Variants in LTBP3 observed in about 807,000 individuals in gnomAD.
LTBP3 encodes latent-transforming growth factor beta-binding protein 3.
A neutral mutation model predicts 159.7 loss-of-function variants in LTBP3; 97 were observed. That is an observed-to-expected ratio of 0.61 (90% CI 0.52 to 0.72). The LOEUF is 0.72. Among genes scored for constraint, LTBP3 ranks in the 30% least tolerant of loss-of-function variants. The pLI is 0.00. For missense variants in LTBP3, 1,584 were observed against 1,864.3 expected, an observed-to-expected ratio of 0.85 and a Z score of 2.77; for synonymous variants, 824 against 777.1, an observed-to-expected ratio of 1.06 and a Z score of -1.00.
chr11:65,553,050 C>T lies in LTBP3; in HGVS notation c.1064-68G>A. On this transcript the variant is annotated intron_variant, in intron 5 of 27. Transcript: ENST00000301873. The surrounding 1 kb of genome is among the most constrained non-coding windows in gnomAD (Gnocchi z 6.5). ...GGGTGACAGCAGGCTGCTCCAAGAACCTCAGGGTCTTGCCCCAGCCCCACC... is the reference window on the plus strand; with the variant it reads ...GGGTGACAGCAGGCTGCTCCAAGAATCTCAGGGTCTTGCCCCAGCCCCACC... 1 of 1,612,506 alleles carries T rather than the reference C, an allele frequency of 6.2e-7. No individual in the cohort carries two copies. Among genetic ancestry groups the T allele is most frequent in the Middle Eastern group, 1.7e-4 (1 of 5,970 alleles).
At position 65,551,127 on chromosome 11, in the gene LTBP3, T is replaced by G; in HGVS notation, c.1719A>C (p.Thr573=). ...SAVEIAPTQV[T]ETDECRLNQN... ...GTGGCTTTGCTGGGCGGGCCTTACC[T>G]GTGACCTGAGTGGGAGCGATCTCTA... The change falls in exon 11 of 28, where the codon ACA becomes ACC. Residue 573 remains threonine, a splice_region_variant and synonymous_variant. Coordinates refer to ENST00000301873, the MANE Select transcript of LTBP3 (RefSeq NM_001130144.3). 2 of 1,552,678 alleles carry G rather than the reference T, an allele frequency of 1.3e-6. No individual in the cohort carries two copies. The highest frequency in any genetic ancestry group is 1.7e-6 in the Non-Finnish European group (2 of 1,148,246).
chr11:65,540,168 G>A lies in LTBP3; in HGVS notation c.3245-15C>T, dbSNP rs911020870. ...CTCGTCCACGTCTACGAACAGCGAG[G>A]GGGTGGGTGGGGGCCGTCACAGCTC... is the stretch of plus-strand genomic sequence containing the variant. On this transcript the variant is annotated splice_polypyrimidine_tract_variant and intron_variant, in intron 23 of 27. Transcript: ENST00000301873. 5.9e-6 allele frequency: 9 copies of A among 1,536,144 alleles called. No individual in the cohort carries two copies. The highest frequency in any genetic ancestry group is 7.9e-6 in the Non-Finnish European group (9 of 1,143,352).
rs757002234 is a variant in LTBP3 at position 65,553,818 on chromosome 11, G to A, written c.747C>T (p.Asn249=). 1.3e-6 allele frequency: 2 copies of A among 1,562,358 alleles called. No homozygotes were observed. The highest frequency in any genetic ancestry group is 4.7e-5 in the East Asian group (2 of 42,970). ...GCTGGGAGGGGGCTGCGCTCTCGGC[G>A]TTCGAGCTCTCAATGCGGTGCACCT... is the stretch of plus-strand genomic sequence containing the variant. ...SVQVHRIESS[N]AESAAPSQHL... Residue 249 remains asparagine, a synonymous_variant, in exon 3 of 28, where the codon AAC becomes AAT. Transcript: ENST00000301873. This position sits in a 1 kb window ranked among gnomAD's most constrained non-coding sequence, Gnocchi z 6.5.
chr11:65,557,394 T>G (rs1194684189), intron 1 of LTBP3, among the ~76,000 whole-genome samples: 1 of 151,894 alleles, frequency 6.6e-6, no homozygotes, highest in Non-Finnish European at 1.5e-5. Flanking sequence ...TCCCCACCCC[T>G]TAGGCCCCAA....
In LTBP3 at chr11:65,554,354, C is replaced by T. The variant is rs767529179; in HGVS notation, c.358G>A (p.Gly120Ser). The change falls in exon 2 of 28, where the codon GGC (glycine) becomes AGC (serine). Residue 120 changes from glycine to serine, a missense_variant. Physicochemically the swap from Gly to Ser is moderately conservative, Grantham distance 56 (BLOSUM62 0). Transcript: ENST00000301873. This position sits in a 1 kb window ranked among gnomAD's most constrained non-coding sequence, Gnocchi z 5.3. ...VVVCPLPCMNGGQCSSRNQCL... is the reference protein window; with the variant it reads ...VVVCPLPCMNSGQCSSRNQCL... ...TGGTTTCGCGAGGAGCACTGGCCGCCATTCATGCAGGGGAGAGGGCACACC... is the reference window on the plus strand; with the variant it reads ...TGGTTTCGCGAGGAGCACTGGCCGCTATTCATGCAGGGGAGAGGGCACACC... 1.2e-6 allele frequency: 2 copies of T among 1,612,260 alleles called. No homozygotes were observed. The highest frequency in any genetic ancestry group is 1.7e-6 in the Non-Finnish European group (2 of 1,179,732).
rs774978297 is a variant in LTBP3 at position 65,551,965 on chromosome 11, G to A, written c.1531+7C>T. On this transcript the variant is annotated splice_region_variant and intron_variant, in intron 8 of 27. Coordinates refer to ENST00000301873, the MANE Select transcript of LTBP3 (RefSeq NM_001130144.3). ...TGGGTCAGGGATCAGAAGGGGTCAG[G>A]CTAGACCTCTCTCTTCCTCTGTGTC... The A allele has an allele frequency of 1.9e-6, 3 of 1,613,802 alleles. No individual in the cohort carries two copies. The South Asian group carries it at 3.3e-5, about 18-fold the overall frequency.
chr11:65,553,878 A>G lies in LTBP3; in HGVS notation c.687T>C (p.Asn229=). The change falls in exon 3 of 28, where the codon AAT becomes AAC. Residue 229 remains asparagine, a synonymous_variant. Transcript: ENST00000301873. The surrounding 1 kb of genome is among the most constrained non-coding windows in gnomAD (Gnocchi z 6.5). ...AEVQAPPPVV[N]VRVHHPPEAS... ...CCTCGGGCGGGTGATGGACGCGCAC[A>G]TTCACCACGGGGGGCGGGGCCTGCA... 6.4e-7 allele frequency: 1 copy of G among 1,552,440 alleles called. No individual in the cohort carries two copies. Among genetic ancestry groups the G allele is most frequent in the Middle Eastern group, 1.7e-4 (1 of 5,840 alleles).
At chr11:65,540,808 G>T in intron 21 of LTBP3, 63 bp downstream of exon 21, 10 of 1,540,114 alleles carry the variant, frequency 6.5e-6, no homozygotes, top group Non-Finnish European at 8.8e-6. Context: ...GTCCCGGCGG[G>T]ATCCGGGCGA....
intron 1 of LTBP3, 122 bp downstream of exon 1, chr11:65,557,507 C>T: frequency 2.9e-6 from 4 of 1,369,668 alleles, no homozygotes; most frequent in Non-Finnish European, 3.0e-6. Flanking sequence ...GTCCCCCAGG[C>T]CCTCGGATCT....
In LTBP3 at chr11:65,554,112, C is replaced by A. The variant is rs749053331; in HGVS notation, c.600G>T (p.Gly200=). The change falls in exon 2 of 28, where the codon GGG becomes GGT. Residue 200 remains glycine, a synonymous_variant. Transcript: ENST00000301873. This position sits in a 1 kb window ranked among gnomAD's most constrained non-coding sequence, Gnocchi z 5.3. ...GGAAGGCTGCGTGCTGGGCAGGAGG[C>A]CCCTCCCCGGGCCCAGGAGGGTCAG... is the stretch of plus-strand genomic sequence containing the variant. ...VIADPPGPGE[G]PPAQHAAFLV... The A allele has an allele frequency of 7.5e-6, 12 of 1,610,412 alleles. No homozygotes were observed. The highest frequency in any genetic ancestry group is 1.7e-5 in the Admixed American group (1 of 59,972).
At chr11:65,549,050 C>T (rs1312605842) in intron 11 of LTBP3, 1 of 152,206 alleles carries the variant, frequency 6.6e-6, no homozygotes, top group Non-Finnish European at 1.5e-5. Context: ...GCTCAGCTTT[C>T]TCATCTGGAA....
intron 1 of LTBP3, among the ~76,000 whole-genome samples, chr11:65,557,135 G>T (rs1052709230): frequency 6.6e-6 from 1 of 152,084 alleles, no homozygotes; most frequent in African/African-American, 2.4e-5. Context: ...GCCAGTAGCC[G>T]GCTCCCATCC....
intron 16 of LTBP3, chr11:65,545,094 C>T (rs1856308990): frequency 5.8e-6 from 1 of 173,012 alleles, no homozygotes; most frequent in Non-Finnish European, 1.3e-5. Context: ...GACTTATTGT[C>T]TCACCAGTTA....
intron 11 of LTBP3, 152 bp from the exon 12 acceptor site, chr11:65,548,197 A>G (rs977365315): frequency 8.8e-7 from 1 of 1,131,620 alleles, no homozygotes; most frequent in Admixed American, 2.0e-5. Context: ...TCTCTTTTAG[A>G]TAACCCCAAT....
chr11:65,541,143 C>T lies in LTBP3; in HGVS notation c.2876G>A (p.Cys959Tyr). 1 of 1,613,096 alleles carries T rather than the reference C, an allele frequency of 6.2e-7. No individual in the cohort carries two copies. Residue 959 changes from cysteine to tyrosine, a missense_variant, in exon 20 of 28, where the codon TGC becomes TAC. Around this residue, in one of 6 missense-constraint regions of LTBP3, gnomAD observed 565 missense variants for 677.7 expected, o/e 0.83. Transcript: ENST00000301873. ...CTCCTGACCTGAGCTGTAGACTGGGCAGGGGTAGATTTCGCAGTGGTCGCC... is the reference window on the plus strand; with the variant it reads ...CTCCTGACCTGAGCTGTAGACTGGGTAGGGGTAGATTTCGCAGTGGTCGCC... ...GWGDHCEIYP[C>Y]PVYSSAEFHS...
chr11:65,546,946 AC>A lies in LTBP3; in HGVS notation c.2108-27del, dbSNP rs757887603. The A allele has an allele frequency of 3.1e-6, 5 of 1,608,654 alleles. No homozygotes were observed. The African/African-American group carries it at 6.7e-5, about 21-fold the overall frequency. ...CTGCACGGGAGGGAGAAGGAAGAGG[AC>A]CCATCTGGGGACAACGCGGGTGGCC... On this transcript the variant is annotated intron_variant, in intron 14 of 27. Transcript: ENST00000301873. The surrounding 1 kb of genome is among the most constrained non-coding windows in gnomAD (Gnocchi z 4.0).
rs553750077 is a variant in LTBP3 at position 65,552,795 on chromosome 11, G to A, written c.1186+65C>T. ...CCTTAACCCCACTCTGATCTCTTGC[G>A]ATCTCTGATCCTTGCTCCCACCCAT... On this transcript the variant is annotated intron_variant, in intron 6 of 27. Coordinates refer to ENST00000301873, the MANE Select transcript of LTBP3 (RefSeq NM_001130144.3). This position sits in a 1 kb window ranked among gnomAD's most constrained non-coding sequence, Gnocchi z 6.0. 285 of 1,611,544 alleles carry A rather than the reference G, an allele frequency of 1.8e-4. 1 individual carries two copies. In the Admixed American group the frequency reaches 4.6e-3, roughly 26 times the overall value.
chr11:65,547,677 T>C lies in LTBP3; in HGVS notation c.1978+13A>G, dbSNP rs779594649. The C allele has an allele frequency of 6.2e-7, 1 of 1,605,548 alleles. No individual in the cohort carries two copies. Among genetic ancestry groups the C allele is most frequent in the Non-Finnish European group, 8.5e-7 (1 of 1,177,640 alleles). ...GTCCCACCCAGGGCCGCCTCCGCCCTGGCGGCGCTCACCCACGCACGAGCG... is the reference window on the plus strand; with the variant it reads ...GTCCCACCCAGGGCCGCCTCCGCCCCGGCGGCGCTCACCCACGCACGAGCG... On this transcript the variant is annotated intron_variant, in intron 13 of 27. Coordinates refer to ENST00000301873, the MANE Select transcript of LTBP3 (RefSeq NM_001130144.3). The surrounding 1 kb of genome is among the most constrained non-coding windows in gnomAD (Gnocchi z 4.6).
intron 11 of LTBP3, chr11:65,548,361 C>T (rs1488361709): frequency 5.1e-6 from 3 of 583,386 alleles, no homozygotes; most frequent in South Asian, 4.0e-5. Flanking sequence ...GCCCCTCAGT[C>T]GTCCCAGTAC....
Sources: gnomAD v4.1 joint callset for allele counts (sites outside exome capture counted in the v4.1 genomes callset) on GRCh38, gnomAD v4.1.1 for gene constraint, gnomAD v4.1.1 regional missense constraint, Gnocchi (gnomAD v3.1) non-coding constraint, MANE v1.5 for transcripts, NCBI Gene and HGNC (gene_info 2026-07-23, HGNC 2026-07-21) for gene names.